The following EIF4E1B variants were observed in gnomAD, a reference collection of about 807,000 sequenced individuals.
EIF4E1B encodes the protein eukaryotic translation initiation factor 4E family member 1B, also known as eukaryotic translation initiation factor 4E type 1B.
Under a neutral mutation model 31.3 loss-of-function variants are expected in EIF4E1B, and 22 were observed. The ratio of observed to expected loss-of-function variants is 0.70; its 90% CI spans 0.50 to 1.00. EIF4E1B has a LOEUF of 1.00. Among genes scored for constraint, EIF4E1B ranks in the 50% least tolerant of loss-of-function variants. The pLI, the probability that EIF4E1B is intolerant of heterozygous loss-of-function variation, is 0.00. For synonymous variants in EIF4E1B, 126 were observed against 120.2 expected (o/e 1.05, Z -0.31); for missense variants, 290 against 311.6 (o/e 0.93, Z 0.52).
Position 176,644,402 on chromosome 5 carries a change from G to A in EIF4E1B, c.323G>A (p.Ser108Asn). 1 of 1,595,726 alleles carries A rather than the reference G, an allele frequency of 6.3e-7. No individual in the cohort carries two copies. The highest frequency in any genetic ancestry group is 8.5e-7 in the Non-Finnish European group (1 of 1,171,000). ...WALYSHIQLA[S>N]KLSSGCDYAL... ...CTATACAGTCACATCCAGCTGGCCAGCAAGCTCTCCTCTGGCTGTGACTAC... is the reference window on the plus strand; with the variant it reads ...CTATACAGTCACATCCAGCTGGCCAACAAGCTCTCCTCTGGCTGTGACTAC... The change falls in exon 6 of 9, where the codon AGC (serine) becomes AAC (asparagine). Residue 108 changes from serine (S) to asparagine (N), a missense_variant. Transcript: ENST00000318682.
chr5:176,631,284 A>G (rs560261383), intron 1 of EIF4E1B, among the ~76,000 whole-genome samples: 1 of 152,368 alleles, frequency 6.6e-6, no homozygotes, highest in East Asian at 1.9e-4. Context: ...CTGGAGAGCC[A>G]GGATGGAGGG....
At position 176,641,197 on chromosome 5, in the gene EIF4E1B, T is replaced by G. The variant is rs148134011; in HGVS notation, c.-201-846T>G. ...AAACAAAACTAGCCGGGCGTGGTGG[T>G]GCATGCCTGTAGTCCCAGCTACTCG... On this transcript the variant is annotated intron_variant, in intron 1 of 8. Coordinates refer to ENST00000318682, the MANE Select transcript of EIF4E1B (RefSeq NM_001099408.2). Among the ~76,000 whole-genome samples, 24 of 152,148 alleles carry G rather than the reference T, an allele frequency of 1.6e-4. 1 individual carries two copies. The highest frequency in any genetic ancestry group is 5.1e-4 in the African/African-American group (21 of 41,486).
chr5:176,636,097 A>G (rs540133522), intron 1 of EIF4E1B, among the ~76,000 whole-genome samples: 2 of 152,326 alleles, frequency 1.3e-5, no homozygotes, highest in Non-Finnish European at 2.9e-5. Context: ...GATTACAGGC[A>G]TGAGCCACCG....
Position 176,646,093 on chromosome 5 carries a change from G to A in EIF4E1B, c.*113G>A, listed in dbSNP as rs1034326868. The A allele has an allele frequency of 1.1e-5, 10 of 897,332 alleles. No individual in the cohort carries two copies. The highest frequency in any genetic ancestry group is 1.7e-5 in the African/African-American group (1 of 59,124). The allele number at this position is 897,332 out of a possible 1,614,324, so 55.6% of individuals were successfully genotyped here. A position where few individuals can be genotyped will look rare whatever the true frequency, so the allele number is the denominator to read the frequency against. On this transcript the variant is annotated 3_prime_UTR_variant, in exon 9 of 9. Transcript: ENST00000318682. ...CAGCCTAGTTCTTACCTGTCCTCAA[G>A]TGAACAGGAATGCAAACACTCTTTA...
intron 1 of EIF4E1B, among the ~76,000 whole-genome samples, chr5:176,632,194 A>G (rs1760409721): frequency 6.6e-6 from 1 of 152,250 alleles, no homozygotes; most frequent in South Asian, 2.1e-4. Flanking sequence ...TACTATATAC[A>G]TTATACACAG....
At position 176,643,745 on chromosome 5, in the gene EIF4E1B, G is replaced by C. The variant is rs766435727; in HGVS notation, c.296+11G>C. ...GGAGGACTTCTGGGCGTGAGTGTCT[G>C]TCCCCAGTGGGGCTAGAGTTGGGGG... On this transcript the variant is annotated intron_variant, in intron 5 of 8. Coordinates refer to ENST00000318682, the MANE Select transcript of EIF4E1B (RefSeq NM_001099408.2). The C allele has an allele frequency of 1.2e-6, 2 of 1,608,390 alleles. No homozygotes were observed. The highest frequency in any genetic ancestry group is 1.7e-5 in the Admixed American group (1 of 59,172).
intron 1 of EIF4E1B, among the ~76,000 whole-genome samples, chr5:176,640,985 C>A (rs536556293): frequency 6.6e-6 from 1 of 152,184 alleles, no homozygotes; most frequent in African/African-American, 2.4e-5. Context: ...GTTCTTAAAA[C>A]GGGGTCCCTG....
Position 176,645,986 on chromosome 5 carries a change from GC to G in EIF4E1B, c.*8del. On this transcript the variant is annotated 3_prime_UTR_variant, in exon 9 of 9. Transcript: ENST00000318682. This position sits in a 1 kb window ranked among gnomAD's most constrained non-coding sequence, Gnocchi z 5.4. Reference sequence around the variant, plus strand: ...AGAACAAGTTTGTGGTGTGAGGGGGGCCTTGGCACCCCTCCTATGTAATGGG... The same window carrying G: ...AGAACAAGTTTGTGGTGTGAGGGGGGCTTGGCACCCCTCCTATGTAATGGG... 1.3e-6 allele frequency: 2 copies of G among 1,592,104 alleles called. No individual in the cohort carries two copies. Among genetic ancestry groups the G allele is most frequent in the South Asian group, 2.3e-5 (2 of 87,954 alleles).
At position 176,644,391 on chromosome 5, in the gene EIF4E1B, C is replaced by A; in HGVS notation, c.312C>A (p.Ile104=). 1 of 1,592,246 alleles carries A rather than the reference C, an allele frequency of 6.3e-7. No homozygotes were observed. Among genetic ancestry groups the A allele is most frequent in the Non-Finnish European group, 8.6e-7 (1 of 1,169,226 alleles). ...CTCTGTCCAGGCTATACAGTCACAT[C>A]CAGCTGGCCAGCAAGCTCTCCTCTG... ...VEDFWALYSH[I]QLASKLSSGC... The change falls in exon 6 of 9, where the codon ATC becomes ATA. Residue 104 remains isoleucine (I), a synonymous_variant. Transcript: ENST00000318682.
Position 176,643,234 on chromosome 5 carries a change from A to C in EIF4E1B, c.168A>C (p.Glu56Asp), listed in dbSNP as rs1760624725. 6.2e-7 allele frequency: 1 copy of C among 1,612,546 alleles called. No homozygotes were observed. The highest frequency in any genetic ancestry group is 1.1e-5 in the South Asian group (1 of 91,036). The change falls in exon 4 of 9, where the codon GAA becomes GAC. Residue 56 changes from glutamate to aspartate, a missense_variant. Coordinates refer to ENST00000318682, the MANE Select transcript of EIF4E1B (RefSeq NM_001099408.2). ...RGKARTGGPM[E>D]VKLELHPLQN... ...AGGCCCGGACGGGGGGCCCCATGGA[A>C]GTCAAGCTGGAGCTGCACCCCTTGC...
chr5:176,638,277 G>T lies in EIF4E1B; in HGVS notation c.-201-3766G>T, dbSNP rs1260394853. On this transcript the variant is annotated intron_variant, in intron 1 of 8. Coordinates refer to ENST00000318682, the MANE Select transcript of EIF4E1B (RefSeq NM_001099408.2). This position sits in a 1 kb window ranked among gnomAD's most constrained non-coding sequence, Gnocchi z 4.3. The stretch of plus-strand genomic sequence containing the variant: ...AATGCCCATTACTGGATAAGGGCAT[G>T]AAACAGCAAGTACTGACAGAACAGA... Among the ~76,000 whole-genome samples the T allele has an allele frequency of 2.0e-5, 3 of 152,192 alleles. No homozygotes were observed. Among genetic ancestry groups the T allele is most frequent in the Admixed American group, 2.0e-4 (3 of 15,278 alleles).
chr5:176,642,302 A>AC, intron 2 of EIF4E1B, 137 bp downstream of exon 2: 1 of 153,266 alleles, frequency 6.5e-6, no homozygotes. Flanking sequence ...TTAGTATAAA[A>AC]CCCCCCTATG....
At position 176,645,744 on chromosome 5, in the gene EIF4E1B, G is replaced by A; in HGVS notation, c.615-122G>A. On this transcript the variant is annotated intron_variant, in intron 8 of 8. Transcript: ENST00000318682. This position sits in a 1 kb window ranked among gnomAD's most constrained non-coding sequence, Gnocchi z 5.4. ...GGTCATATTTTGGGTTTCCACATGG[G>A]TAAGACACAACAGGTGTGGCTGTGG... The A allele has an allele frequency of 8.9e-7, 1 of 1,117,868 alleles. No individual in the cohort carries two copies. Among genetic ancestry groups the A allele is most frequent in the Non-Finnish European group, 1.3e-6 (1 of 798,272 alleles). The allele number at this position is 1,117,868 out of a possible 1,614,324, so 69.2% of individuals were successfully genotyped here. A position where few individuals can be genotyped will look rare whatever the true frequency, so the allele number is the denominator to read the frequency against.
At position 176,630,757 on chromosome 5, in the gene EIF4E1B, T is replaced by C. The variant is rs1186340366; in HGVS notation, c.-509T>C. The C allele has an allele frequency of 1.3e-5, 2 of 152,320 alleles. No homozygotes were observed. The highest frequency in any genetic ancestry group is 1.5e-5 in the Non-Finnish European group (1 of 68,090). The allele number at this position is 152,320 out of a possible 1,614,324, so 9.4% of individuals were successfully genotyped here. On this transcript the variant is annotated 5_prime_UTR_variant, in exon 1 of 9. Transcript: ENST00000318682. ...AATCACGCGACTGGATTTGGAGTTC[T>C]GCTGGGCTCGAATCTCAGCTGTGCT...
At chr5:176,637,108 C>G (rs187411415) in intron 1 of EIF4E1B, among the ~76,000 whole-genome samples, 3 of 152,228 alleles carry the variant, frequency 2.0e-5, no homozygotes, top group South Asian at 4.1e-4. Flanking sequence ...ATAAGCCAGA[C>G]GCTGTTGTAG....
At chr5:176,635,082 G>T (rs562857841) in intron 1 of EIF4E1B, among the ~76,000 whole-genome samples, 1 of 152,058 alleles carries the variant, frequency 6.6e-6, no homozygotes, top group Admixed American at 6.6e-5. Context: ...GAGTGTGATC[G>T]TCCGGGGGTG....
chr5:176,636,415 G>T (rs1362179882), intron 1 of EIF4E1B, among the ~76,000 whole-genome samples: 1 of 152,224 alleles, frequency 6.6e-6, no homozygotes, highest in Non-Finnish European at 1.5e-5. Context: ...TACTAAGGAC[G>T]ATGACTCTGG....
intron 5 of EIF4E1B, chr5:176,644,116 T>G: frequency 3.5e-6 from 2 of 573,778 alleles, no homozygotes; most frequent in Non-Finnish European, 6.2e-6. Context: ...TGAGAAGGCC[T>G]CGGCTGTAGC....
At chr5:176,642,927 T>C in intron 3 of EIF4E1B, 125 bp downstream of exon 3, 1 of 1,466,354 alleles carries the variant, frequency 6.8e-7, no homozygotes. Context: ...GCTTTTCAGA[T>C]GCTGGGTCCT....
Sources: gnomAD v4.1 joint callset for allele counts (sites outside exome capture counted in the v4.1 genomes callset) on GRCh38, gnomAD v4.1.1 for gene constraint, Gnocchi (gnomAD v3.1) non-coding constraint, MANE v1.5 for transcripts, NCBI Gene and HGNC (gene_info 2026-07-23, HGNC 2026-07-21) for gene names.